ALAS1: variants seen among roughly 807,000 people sequenced by gnomAD.
ALAS1 encodes 5-aminolevulinate synthase, non-specific, mitochondrial.
Under a neutral mutation model 59.6 loss-of-function variants are expected in ALAS1, and 29 were observed. That is an observed-to-expected ratio of 0.49 (90% CI 0.36 to 0.66). The LOEUF (loss-of-function observed/expected upper bound fraction) is 0.66, where lower values mean the gene tolerates loss of function less well. Ranked by LOEUF, ALAS1 falls within the 30% of genes least tolerant of loss-of-function variation. The pLI, the probability that ALAS1 is intolerant of heterozygous loss-of-function variation, is 0.00. For missense variants in ALAS1, 690 were observed against 807.5 expected, an observed-to-expected ratio of 0.85 and a Z score of 1.76; for synonymous variants, 299 against 296.6, an observed-to-expected ratio of 1.01 and a Z score of -0.08.
intron 9 of ALAS1, among the ~76,000 whole-genome samples, chr3:52,210,161 C>T (rs1335172491): frequency 1.3e-5 from 2 of 152,232 alleles, no homozygotes; most frequent in African/African-American, 4.8e-5. Flanking sequence ...GGGTAAAATT[C>T]CAGCCTCTGG....
At chr3:52,212,044 TA>T (rs1162508725) in intron 10 of ALAS1, among the ~76,000 whole-genome samples, 1 of 152,210 alleles carries the variant, frequency 6.6e-6, no homozygotes, top group East Asian at 1.9e-4. Flanking sequence ...TATTTCTTTT[TA>T]ATAAGGTTTT....
At position 52,208,351 on chromosome 3, in the gene ALAS1, A is replaced by G. The variant is rs1270467028; in HGVS notation, c.1330+104A>G. ...AGGTGAGGAGACAGCCTGACAGCAT[A>G]TGAAGCCTGGGCCACTCTTTCTTTT... On this transcript the variant is annotated intron_variant, in intron 9 of 11. Transcript: ENST00000484952. 41 of 1,308,848 alleles carry G rather than the reference A, an allele frequency of 3.1e-5. 1 individual carries two copies. In the South Asian group the frequency reaches 5.5e-4, roughly 18 times the overall value. The allele number at this position is 1,308,848 out of a possible 1,614,324, so 81.1% of individuals were successfully genotyped here. A position where few individuals can be genotyped will look rare whatever the true frequency, so the allele number is the denominator to read the frequency against.
intron 8 of ALAS1, among the ~76,000 whole-genome samples, chr3:52,207,255 A>G (rs898851153): frequency 6.6e-6 from 1 of 151,978 alleles, no homozygotes; most frequent in Non-Finnish European, 1.5e-5. Context: ...TGCCCGCCTC[A>G]GCCTCCCAAA....
intron 3 of ALAS1, among the ~76,000 whole-genome samples, 153 bp from the exon 4 acceptor site, chr3:52,202,349 TAAAAA>T (rs1699203374): frequency 6.6e-6 from 1 of 151,992 alleles, no homozygotes; most frequent in African/African-American, 2.4e-5. Flanking sequence ...GACTCCATCT[TAAAAA>T]CAAAACAAAA....
At position 52,214,029 on chromosome 3, in the gene ALAS1, TAGTCACATGGAAGCA is replaced by T; in HGVS notation, c.1776_1790del (p.Thr593_Val597del). 3 of 1,603,582 alleles carry T rather than the reference TAGTCACATGGAAGCA, an allele frequency of 1.9e-6. No homozygotes were observed. The South Asian group carries it at 3.3e-5, about 18-fold the overall frequency. The stretch of plus-strand genomic sequence containing the variant: ...AACTGTTTCTCCTCAGAGAATCTGC[TAGTCACATGGAAGCA>T]AGTGGGGCTGGAACTGAAGCCTCAT... On this transcript the variant is annotated inframe_deletion, in exon 12 of 12. Transcript: ENST00000484952.
rs1172244759 is a variant in ALAS1, at chr3:52,204,793, A to C, written c.678A>C (p.Ala226=). 1 of 1,614,222 alleles carries C rather than the reference A, an allele frequency of 6.2e-7. No homozygotes were observed. The change falls in exon 6 of 12, where the codon GCA becomes GCC. Residue 226 remains alanine, a synonymous_variant. Transcript: ENST00000484952. ...TTTTTAAAACTGTGAACCGGCGAGC[A>C]CACATCTTCCCCATGGCAGATGACT... ...YRVFKTVNRR[A]HIFPMADDYS...
At position 52,198,770 on chromosome 3, in the gene ALAS1, T is replaced by C. The variant is rs1264062550; in HGVS notation, c.-111T>C. The C allele has an allele frequency of 7.2e-6, 11 of 1,532,944 alleles. No homozygotes were observed. The Admixed American group carries it at 2.2e-4, about 30-fold the overall frequency. 95.0% of individuals were successfully genotyped at this position (1,532,944 alleles called of 1,614,324 possible). ...GGACCCCTTCCTCGGGTTTAGGGGA[T>C]GTGGGGACCAGGAGAAAGTCAGGAT... On this transcript the variant is annotated 5_prime_UTR_variant, in exon 2 of 12. An upstream start codon of the reference 5' UTR is lost. Coordinates refer to ENST00000484952, the MANE Select transcript of ALAS1 (RefSeq NM_000688.6).
chr3:52,203,868 G>A lies in ALAS1; in HGVS notation c.433G>A (p.Ala145Thr). Residue 145 changes from alanine to threonine, a missense_variant, in exon 5 of 12, where the codon GCT becomes ACT. By Grantham distance (58) the Ala-to-Thr change is moderately conservative. Coordinates refer to ENST00000484952, the MANE Select transcript of ALAS1 (RefSeq NM_000688.6). ...TCTTGTTACTTTTGTTCCAGAGGTT[G>A]CTGAAACCTCAGCAGGCCCCAGTGT... ...QEMNAVRKEV[A>T]ETSAGPSVVS... 6.3e-7 allele frequency: 1 copy of A among 1,580,312 alleles called. No individual in the cohort carries two copies. Among genetic ancestry groups the A allele is most frequent in the Non-Finnish European group, 8.6e-7 (1 of 1,163,454 alleles).
intron 8 of ALAS1, among the ~76,000 whole-genome samples, chr3:52,207,530 A>T (rs1050930566): frequency 3.8e-4 from 57 of 151,580 alleles, no homozygotes; most frequent in African/African-American, 1.3e-3. Flanking sequence ...CGGGTTTATT[A>T]TATGGGTAAA....
At position 52,212,331 on chromosome 3, in the gene ALAS1, T is replaced by C; in HGVS notation, c.1673T>C (p.Ile558Thr). 6.2e-7 allele frequency: 1 copy of C among 1,614,162 alleles called. No homozygotes were observed. The highest frequency in any genetic ancestry group is 8.5e-7 in the Non-Finnish European group (1 of 1,180,034). ...MSRHNIYVQA[I>T]NYPTVPRGEE... ...AGACATAACATCTACGTGCAAGCAA[T>C]CAATTACCCTACGGTGCCCCGGGGA... Residue 558 changes from isoleucine (I) to threonine (T), a missense_variant, in exon 11 of 12, where the codon ATC becomes ACC. Ile to Thr is a moderately conservative substitution (Grantham distance 89). Transcript: ENST00000484952.
chr3:52,204,671 C>T (rs778108290), intron 5 of ALAS1, 22 bp from the exon 6 acceptor site: 5 of 1,599,360 alleles, frequency 3.1e-6, no homozygotes, highest in Admixed American at 1.7e-5. Flanking sequence ...CCATTCTGTA[C>T]TGTCTTTTGT....
chr3:52,211,736 T>C (rs1360224219), intron 10 of ALAS1, among the ~76,000 whole-genome samples, 185 bp downstream of exon 10: 1 of 152,240 alleles, frequency 6.6e-6, no homozygotes, highest in Non-Finnish European at 1.5e-5. Flanking sequence ...AGAAAGCCTT[T>C]GAACCCAGCA....
chr3:52,211,546 G>C lies in ALAS1; in HGVS notation c.1594G>C (p.Val532Leu), dbSNP rs138459596. The C allele has an allele frequency of 6.2e-7, 1 of 1,613,746 alleles. No individual in the cohort carries two copies. The highest frequency in any genetic ancestry group is 8.5e-7 in the Non-Finnish European group (1 of 1,179,760). ...CCACTGCCCCAGCCACATCATCCCT[G>C]TGCGGGTAATGGCCTGTCTCTGATT... ...VVHCPSHIIPVRVADAAKNTE... is the reference protein window; with the variant it reads ...VVHCPSHIIPLRVADAAKNTE... The change falls in exon 10 of 12, where the codon GTG becomes CTG. Residue 532 changes from valine (V) to leucine (L), a missense_variant. Coordinates refer to ENST00000484952, the MANE Select transcript of ALAS1 (RefSeq NM_000688.6).
Position 52,211,454 on chromosome 3 carries a change from G to T in ALAS1, c.1502G>T (p.Arg501Leu), listed in dbSNP as rs746247203. The T allele has an allele frequency of 1.2e-6, 2 of 1,614,158 alleles. No homozygotes were observed. The highest frequency in any genetic ancestry group is 1.7e-6 in the Non-Finnish European group (2 of 1,180,028). The change falls in exon 10 of 12, where the codon CGC becomes CTC. Residue 501 changes from arginine to leucine, a missense_variant. By Grantham distance (102) the Arg-to-Leu change is moderately radical. Transcript: ENST00000484952. ...AAGAGCGCTGAGGGACGGGTGCTTC[G>T]CCGCCAGCACCAGCGCAACGTCAAA... ...ILKSAEGRVL[R>L]RQHQRNVKLM...
chr3:52,199,216 C>A lies in ALAS1; in HGVS notation c.-26C>A. 13 of 1,614,042 alleles carry A rather than the reference C, an allele frequency of 8.1e-6. No homozygotes were observed. Among genetic ancestry groups the A allele is most frequent in the Non-Finnish European group, 1.1e-5 (13 of 1,179,970 alleles). ...TGATGTCACTCTTCATCAGTCTTTCCACAGGAGCCAGCATACTTCCTGAAC... is the reference window on the plus strand; with the variant it reads ...TGATGTCACTCTTCATCAGTCTTTCAACAGGAGCCAGCATACTTCCTGAAC... On this transcript the variant is annotated 5_prime_UTR_variant, in exon 3 of 12. Transcript: ENST00000484952.
rs759233006 is a variant in ALAS1 at position 52,204,022 on chromosome 3, A to G, written c.577+10A>G. 99 of 1,595,204 alleles carry G rather than the reference A, an allele frequency of 6.2e-5. No homozygotes were observed. The highest frequency in any genetic ancestry group is 8.1e-5 in the Non-Finnish European group (95 of 1,170,938). ...GATAACTTGCCAAAATGTAAGTCTC[A>G]TTGTTATTTGCCTGATGTAGAAAAG... On this transcript the variant is annotated intron_variant, in intron 5 of 11. Coordinates refer to ENST00000484952, the MANE Select transcript of ALAS1 (RefSeq NM_000688.6).
intron 3 of ALAS1, 96 bp from the exon 4 acceptor site, chr3:52,202,411 G>A: frequency 9.9e-7 from 1 of 1,005,550 alleles, no homozygotes; most frequent in South Asian, 1.4e-5. Flanking sequence ...TAAGTATTAA[G>A]TTTATCTTTG....
In ALAS1 at chr3:52,214,266, A is replaced by G; in HGVS notation, c.*86A>G. 3 of 1,258,458 alleles carry G rather than the reference A, an allele frequency of 2.4e-6. No homozygotes were observed. The highest frequency in any genetic ancestry group is 1.9e-5 in the South Asian group (1 of 53,796). The allele number at this position is 1,258,458 out of a possible 1,614,324, so 78.0% of individuals were successfully genotyped here. On this transcript the variant is annotated 3_prime_UTR_variant, in exon 12 of 12. Coordinates refer to ENST00000484952, the MANE Select transcript of ALAS1 (RefSeq NM_000688.6). ...GTTGTCTTTATATGTGAATTAAGTT[A>G]TATTAAATTTTAATCTATAGTAAAA...
chr3:52,207,264 A>G (rs1478202399), intron 8 of ALAS1, among the ~76,000 whole-genome samples: 5 of 152,052 alleles, frequency 3.3e-5, no homozygotes, highest in African/African-American at 1.2e-4. Context: ...CAGCCTCCCA[A>G]AGAGCTGGAA....
Sources: allele counts gnomAD v4.1 joint callset (sites outside exome capture counted in the v4.1 genomes callset), GRCh38; gene constraint gnomAD v4.1.1; transcripts MANE v1.5; gene names NCBI Gene and HGNC (gene_info 2026-07-23, HGNC 2026-07-21).